The following USH2A variants were observed in gnomAD, a reference collection of about 807,000 sequenced individuals.
The protein encoded by USH2A is usherin, also known as Usher syndrome 2A (autosomal recessive, mild).
Under a neutral mutation model 538.9 loss-of-function variants are expected in USH2A, and 443 were observed. That is an observed-to-expected ratio of 0.82 (90% confidence interval 0.76 to 0.89). USH2A has a LOEUF of 0.89. USH2A is among the 40% of genes least tolerant of loss of function. The pLI is 0.00. For synonymous variants in USH2A, 2,413 were observed against 2,273.5 expected (o/e 1.06, Z -1.75); for missense variants, 6,633 against 6,324.8 (o/e 1.05, Z -1.65).
intron 35 of USH2A, among the ~76,000 whole-genome samples, chr1:215,976,889 C>T (rs942619032): frequency 6.6e-6 from 1 of 151,936 alleles, no homozygotes; most frequent in Admixed American, 6.6e-5. Context: ...AGAAGGAGTC[C>T]TTCCTTCTTG....
chr1:215,627,425 C>CTTCTTTCCTTCT (rs1558027360), intron 71 of USH2A, among the ~76,000 whole-genome samples: 1 of 105,880 alleles, frequency 9.4e-6, no homozygotes, highest in Non-Finnish European at 1.8e-5. Flanking sequence ...TCCTTCCTTC[C>CTTCTTTCCTTCT]TTCCTTCCTT....
chr1:215,998,905 TTTA>T lies in USH2A; in HGVS notation c.6636_6638del (p.Asn2212del). The T allele has an allele frequency of 6.2e-7, 1 of 1,613,088 alleles. No homozygotes were observed. Among genetic ancestry groups the T allele is most frequent in the Non-Finnish European group, 8.5e-7 (1 of 1,179,436 alleles). ...AACTTACTCCCAGCTTGATGAGATA[TTTA>T]TTACCAGGTAAAACGTATTGTAGCA... On this transcript the variant is annotated inframe_deletion, in exon 34 of 72. Transcript: ENST00000307340.
intron 61 of USH2A, among the ~76,000 whole-genome samples, chr1:215,719,643 G>T (rs1309561917): frequency 2.6e-5 from 4 of 152,116 alleles, no homozygotes; most frequent in Non-Finnish European, 5.9e-5. Flanking sequence ...CAAAAAGAAG[G>T]ACTGCTAAAG....
At chr1:216,322,181 T>C (rs2037627848) in intron 8 of USH2A, among the ~76,000 whole-genome samples, 1 of 152,164 alleles carries the variant, frequency 6.6e-6, no homozygotes, top group African/African-American at 2.4e-5. Flanking sequence ...CTGTCACCAA[T>C]ATCCAAACCC....
At chr1:216,339,732 C>T (rs1362632527) in intron 4 of USH2A, among the ~76,000 whole-genome samples, 1 of 151,912 alleles carries the variant, frequency 6.6e-6, no homozygotes, top group South Asian at 2.1e-4. Flanking sequence ...TCCTGAACGA[C>T]TCCTGGGTAA....
intron 3 of USH2A, among the ~76,000 whole-genome samples, chr1:216,410,753 G>C (rs2039474537): frequency 6.6e-6 from 1 of 152,084 alleles, no homozygotes; most frequent in Non-Finnish European, 1.5e-5. Context: ...AAGCCAGAAA[G>C]CTGGGATTCA....
rs771976229 is a variant in USH2A at position 215,741,337 on chromosome 1, C to G, written c.11711+38G>C. On this transcript the variant is annotated intron_variant, in intron 60 of 71. Transcript: ENST00000307340. Reference sequence around the variant, plus strand: ...CTGCTGTGTTGGAGCAGTACGCATTCTTAAATAACTAAAAATAATAGTAAC... The same window carrying G: ...CTGCTGTGTTGGAGCAGTACGCATTGTTAAATAACTAAAAATAATAGTAAC... 7 of 1,608,442 alleles carry G rather than the reference C, an allele frequency of 4.4e-6. No individual in the cohort carries two copies. The East Asian group carries it at 1.3e-4, about 31-fold the overall frequency.
chr1:216,023,419 A>G (rs540715320), intron 32 of USH2A, among the ~76,000 whole-genome samples: 1 of 126,408 alleles, frequency 7.9e-6, no homozygotes, highest in Non-Finnish European at 1.6e-5. Flanking sequence ...ACCCCCAAAC[A>G]CCTTTTCTTC....
At position 216,418,653 on chromosome 1, in the gene USH2A, C is replaced by T. The variant is rs1271841278; in HGVS notation, c.512G>A (p.Gly171Glu). 1.2e-6 allele frequency: 2 copies of T among 1,613,080 alleles called. No homozygotes were observed. Among genetic ancestry groups the T allele is most frequent in the Admixed American group, 1.7e-5 (1 of 59,908 alleles). ...TATTGTAAGTTTGAACACAATCTGC[C>T]CATCTACTGTCTTTTCTATAACACA... Reference protein sequence around the residue: ...VMCVIEKTVDGQIVFKLTISE... With the variant: ...VMCVIEKTVDEQIVFKLTISE... Residue 171 changes from glycine to glutamate, a missense_variant, in exon 3 of 72, where the codon GGG becomes GAG. Transcript: ENST00000307340.
intron 37 of USH2A, among the ~76,000 whole-genome samples, chr1:215,948,871 A>T (rs1666825167): frequency 6.6e-6 from 1 of 152,174 alleles, no homozygotes. Flanking sequence ...TACTAAAAAA[A>T]ATTGGTTATG....
chr1:216,304,277 G>A (rs945090366), intron 9 of USH2A, among the ~76,000 whole-genome samples: 4 of 151,962 alleles, frequency 2.6e-5, no homozygotes, highest in African/African-American at 9.7e-5. Context: ...CCAAGTGACA[G>A]CAACTGGGTT....
At chr1:216,036,140 A>G (rs34510478) in intron 32 of USH2A, among the ~76,000 whole-genome samples, 41,401 of 152,002 alleles carry the variant, frequency 0.27, 5,872 homozygotes, top group South Asian at 0.36. Flanking sequence ...TAAGACGATC[A>G]ACCTGATTAA....
intron 9 of USH2A, among the ~76,000 whole-genome samples, chr1:216,315,988 T>C (rs979027694): frequency 1.3e-5 from 2 of 152,174 alleles, no homozygotes; most frequent in African/African-American, 4.8e-5. Flanking sequence ...ATTTACTGCT[T>C]TTTTTTCATT....
intron 35 of USH2A, among the ~76,000 whole-genome samples, chr1:215,991,004 A>AC (rs1227496398): frequency 2.0e-5 from 3 of 150,640 alleles, no homozygotes; most frequent in Non-Finnish European, 3.0e-5. Flanking sequence ...CTCATGATCC[A>AC]CCCCCCTCAG....
intron 14 of USH2A, among the ~76,000 whole-genome samples, chr1:216,230,207 C>T (rs2035649097): frequency 6.6e-6 from 1 of 152,146 alleles, no homozygotes; most frequent in African/African-American, 2.4e-5. Flanking sequence ...GTGAAACAAA[C>T]CAGCCCAAGA....
intron 4 of USH2A, 150 bp downstream of exon 4, chr1:216,364,803 T>G: frequency 1.9e-6 from 2 of 1,069,832 alleles, no homozygotes; most frequent in East Asian, 2.7e-5. Flanking sequence ...AATTTTACTT[T>G]CATTAATCTG....
At chr1:215,990,751 T>C (rs1011908925) in intron 35 of USH2A, among the ~76,000 whole-genome samples, 172 of 144,408 alleles carry the variant, frequency 1.2e-3, no homozygotes, top group African/African-American at 4.2e-3. Flanking sequence ...ATTGTTAATC[T>C]TAATTTTCCT....
chr1:216,057,953 G>A (rs1416268729), intron 30 of USH2A, among the ~76,000 whole-genome samples: 1 of 152,140 alleles, frequency 6.6e-6, no homozygotes, highest in Non-Finnish European at 1.5e-5. Context: ...CCTGAAGCTA[G>A]GTACAGCCAT....
At chr1:216,142,907 C>T (rs1430521102) in intron 21 of USH2A, among the ~76,000 whole-genome samples, 1 of 152,126 alleles carries the variant, frequency 6.6e-6, no homozygotes, top group Non-Finnish European at 1.5e-5. Context: ...AAACCCATTA[C>T]TTCTTGAAGT....
Sources: gnomAD v4.1 joint callset for allele counts (sites outside exome capture counted in the v4.1 genomes callset) on GRCh38, gnomAD v4.1.1 for gene constraint, MANE v1.5 for transcripts, NCBI Gene and HGNC (gene_info 2026-07-23, HGNC 2026-07-21) for gene names.